COL4A4: variants seen among roughly 807,000 people sequenced by gnomAD.
COL4A4 encodes collagen alpha-4(IV) chain.
COL4A4 carries 105 observed loss-of-function variants against 192.9 expected under a neutral mutation model. The ratio of observed to expected loss-of-function variants is 0.54; its 90% CI spans 0.46 to 0.64. The LOEUF (loss-of-function observed/expected upper bound fraction) is 0.64, where lower values mean the gene tolerates loss of function less well. COL4A4 is among the 30% of genes least tolerant of loss of function. COL4A4 has a pLI of 0.00. For missense variants in COL4A4, 1,967 were observed against 2,169.3 expected, an observed-to-expected ratio of 0.91 and a Z score of 1.85; for synonymous variants, 762 against 769.9, an observed-to-expected ratio of 0.99 and a Z score of 0.17.
chr2:227,142,097 CAAA>C (rs531488311), intron 3 of COL4A4, among the ~76,000 whole-genome samples: 2,416 of 118,920 alleles, frequency 0.02, 40 homozygotes, highest in African/African-American at 0.07. Flanking sequence ...TTAGTAGATT[CAAA>C]AAAAAAAAAA....
At chr2:227,010,275 T>G (rs766264151) in intron 46 of COL4A4, 38 bp downstream of exon 46, 1 of 1,610,670 alleles carries the variant, frequency 6.2e-7, no homozygotes, top group South Asian at 1.1e-5. Context: ...CAAATTTTAC[T>G]CTTCAGGCAA....
intron 18 of COL4A4, among the ~76,000 whole-genome samples, 174 bp downstream of exon 18, chr2:227,099,446 A>G (rs986976737): frequency 5.9e-5 from 9 of 152,188 alleles, no homozygotes; most frequent in Admixed American, 5.9e-4. Context: ...AGCATACAGT[A>G]TATGTACTGA....
chr2:227,132,155 C>T (rs576518941), intron 4 of COL4A4, among the ~76,000 whole-genome samples: 2 of 152,260 alleles, frequency 1.3e-5, no homozygotes, highest in Admixed American at 1.3e-4. Context: ...GCCCTGACCC[C>T]GATATGCTCC....
At chr2:227,117,873 A>G (rs2061576121) in intron 7 of COL4A4, among the ~76,000 whole-genome samples, 3 of 152,172 alleles carry the variant, frequency 2.0e-5, no homozygotes, top group South Asian at 4.1e-4. Context: ...ATCCATTCCA[A>G]ATCTTTTCTA....
At chr2:226,991,824 G>A in the COL4A4 span, among the ~76,000 whole-genome samples, 5 of 152,210 alleles carry the variant, frequency 3.3e-5, no homozygotes, top group African/African-American at 1.2e-4. Context: ...GACCCTGGAA[G>A]TCCCCTTTTT....
In COL4A4 at chr2:227,123,735, C is replaced by A. The variant is rs2061933523; in HGVS notation, c.193-2587G>T. ...GCTGAAGTCCCCCAGAGCCTGAGCA[C>A]AGAAACAACAGGTCTGAGGAAGACG... is the stretch of plus-strand genomic sequence containing the variant. On this transcript the variant is annotated intron_variant, in intron 4 of 47. Transcript: ENST00000396625. The surrounding 1 kb of genome is among the most constrained non-coding windows in gnomAD (Gnocchi z 4.6). Among the ~76,000 whole-genome samples the A allele has an allele frequency of 6.6e-6, 1 of 152,212 alleles. No individual in the cohort carries two copies. Among genetic ancestry groups the A allele is most frequent in the Non-Finnish European group, 1.5e-5 (1 of 68,042 alleles).
At chr2:227,099,745 C>T in intron 17 of COL4A4, 56 bp from the exon 18 acceptor site, 4 of 1,478,354 alleles carry the variant, frequency 2.7e-6, no homozygotes, top group Admixed American at 1.7e-5. Context: ...CTCATGTTGC[C>T]TGGCATTAAA....
chr2:227,072,053 C>T (rs2058752368), intron 25 of COL4A4, among the ~76,000 whole-genome samples: 1 of 151,398 alleles, frequency 6.6e-6, no homozygotes. Flanking sequence ...TCAGACTGAA[C>T]CAAATGAAAT....
intron 24 of COL4A4, among the ~76,000 whole-genome samples, 187 bp downstream of exon 24, chr2:227,080,256 A>G (rs542498492): frequency 6.6e-6 from 1 of 152,302 alleles, no homozygotes; most frequent in African/African-American, 2.4e-5. Context: ...ATTTTAGACC[A>G]TGTCCAATGA....
intron 22 of COL4A4, among the ~76,000 whole-genome samples, chr2:227,086,023 T>G (rs899015735): frequency 9.2e-5 from 14 of 152,320 alleles, no homozygotes; most frequent in Admixed American, 5.9e-4. Flanking sequence ...ATGCTGCAAG[T>G]AAAACTTAGA....
At chr2:227,038,791 A>C (rs1970224599) in intron 37 of COL4A4, among the ~76,000 whole-genome samples, 1 of 152,244 alleles carries the variant, frequency 6.6e-6, no homozygotes. Flanking sequence ...AACATACTGC[A>C]AATATTTAGT....
Position 227,032,011 on chromosome 2 carries a change from G to T in COL4A4, c.3751C>A (p.Pro1251Thr), listed in dbSNP as rs1207127546. 2 of 1,614,052 alleles carry T rather than the reference G, an allele frequency of 1.2e-6. No individual in the cohort carries two copies. Among genetic ancestry groups the T allele is most frequent in the Admixed American group, 3.3e-5 (2 of 60,024 alleles). Reference sequence around the variant, plus strand: ...GGACCCGGGTCAGGAATGTCCTTAGGAGCTCTTCCTGTGGCACCTGCAGGA... The same window carrying T: ...GGACCCGGGTCAGGAATGTCCTTAGTAGCTCTTCCTGTGGCACCTGCAGGA... Reference protein sequence around the residue: ...PGPAGATGRAPKDIPDPGPPG... With the variant: ...PGPAGATGRATKDIPDPGPPG... Residue 1251 changes from proline (P) to threonine (T), a missense_variant, in exon 40 of 48, where the codon CCT becomes ACT. Pro to Thr is a conservative substitution (Grantham distance 38). Transcript: ENST00000396625.
In COL4A4 at chr2:227,078,074, C is replaced by A; in HGVS notation, c.1807G>T (p.Asp603Tyr). The change falls in exon 25 of 48, where the codon GAT (aspartate) becomes TAT (tyrosine). Residue 603 changes from aspartate (D) to tyrosine (Y), a missense_variant. By Grantham distance (160) the Asp-to-Tyr change is radical. Transcript: ENST00000396625. Reference protein sequence around the residue: ...GEKGDPGPPGDHEDATPGGKG... With the variant: ...GEKGDPGPPGYHEDATPGGKG... ...CCACCTGGGGTCGCATCTTCATGAT[C>A]CCCCTGGGAATGTTATGTCATGAGT... 1 of 1,613,904 alleles carries A rather than the reference C, an allele frequency of 6.2e-7. No individual in the cohort carries two copies.
At chr2:227,070,813 C>T (rs2058676331) in intron 25 of COL4A4, among the ~76,000 whole-genome samples, 1 of 151,722 alleles carries the variant, frequency 6.6e-6, no homozygotes, top group African/African-American at 2.4e-5. Context: ...CAGCATGTCA[C>T]ATGTATACAT....
intron 24 of COL4A4, 105 bp downstream of exon 24, chr2:227,080,338 A>G: frequency 9.7e-7 from 1 of 1,031,664 alleles, no homozygotes; most frequent in African/African-American, 1.6e-5. Context: ...TAGTATGTTG[A>G]TATTTTACTG....
intron 37 of COL4A4, among the ~76,000 whole-genome samples, chr2:227,041,866 G>A (rs1413248706): frequency 2.3e-5 from 3 of 130,034 alleles, no homozygotes; most frequent in African/African-American, 3.2e-5. Flanking sequence ...AAGAAAGAAA[G>A]AAAGAAAGAA....
chr2:227,102,621 A>G (rs559955177), intron 15 of COL4A4, among the ~76,000 whole-genome samples, 168 bp downstream of exon 15: 2 of 152,322 alleles, frequency 1.3e-5, no homozygotes, highest in East Asian at 3.9e-4. Context: ...TGTCAATGGA[A>G]GGATGCTCTG....
At chr2:227,152,715 G>A (rs2064036106) in intron 1 of COL4A4, among the ~76,000 whole-genome samples, 1 of 152,206 alleles carries the variant, frequency 6.6e-6, no homozygotes, top group Non-Finnish European at 1.5e-5. Flanking sequence ...GCAACCACCT[G>A]TGTTAAGAGC....
intron 23 of COL4A4, among the ~76,000 whole-genome samples, chr2:227,080,965 T>G (rs2059293527): frequency 6.6e-6 from 1 of 152,184 alleles, no homozygotes; most frequent in African/African-American, 2.4e-5. Flanking sequence ...CATCTCTGGA[T>G]GTAAGAACTT....
Sources: allele counts gnomAD v4.1 joint callset (sites outside exome capture counted in the v4.1 genomes callset), GRCh38; gene constraint gnomAD v4.1.1; non-coding constraint Gnocchi (gnomAD v3.1); transcripts MANE v1.5; gene names NCBI Gene and HGNC (gene_info 2026-07-23, HGNC 2026-07-21).